The following CEP85L variants were observed in gnomAD, a reference collection of about 807,000 sequenced individuals.
CEP85L encodes centrosomal protein of 85 kDa-like.
CEP85L carries 60 observed loss-of-function variants against 100.3 expected under a neutral mutation model. The ratio of observed to expected loss-of-function variants is 0.60; its 90% CI spans 0.49 to 0.74. CEP85L has a LOEUF of 0.74. Ranked by LOEUF, CEP85L falls within the 30% of genes least tolerant of loss-of-function variation. CEP85L has a pLI of 0.00. For synonymous variants in CEP85L, 319 were observed against 322.7 expected, an observed-to-expected ratio of 0.99 and a Z score of 0.12; for missense variants, 973 against 936.2, an observed-to-expected ratio of 1.04 and a Z score of -0.51.
chr6:118,538,264 C>A (rs920032510), intron 3 of CEP85L, among the ~76,000 whole-genome samples: 1 of 152,004 alleles, frequency 6.6e-6, no homozygotes, highest in South Asian at 2.1e-4. Context: ...CTAATTATTT[C>A]TTCAATGTGT....
In CEP85L at chr6:118,567,259, A is replaced by G. The variant is rs1412085965; in HGVS notation, c.233-943T>C. ...TGTGTGTGTGTGTGTGTATATATAT[A>G]TATATATATATATATATATATATAT... On this transcript the variant is annotated intron_variant, in intron 2 of 12. Coordinates refer to ENST00000368491, the MANE Select transcript of CEP85L (RefSeq NM_001042475.3). 1.3e-4 allele frequency among the ~76,000 whole-genome samples: 8 copies of G among 60,652 alleles called. No individual in the cohort carries two copies. In the South Asian group the frequency reaches 2.8e-3, roughly 22 times the overall value. The allele number at this position is 60,652 out of a possible 152,430, so 39.8% of individuals were successfully genotyped here.
intron 3 of CEP85L, among the ~76,000 whole-genome samples, chr6:118,538,598 CAACA>C (rs1216905935): frequency 6.6e-6 from 1 of 151,640 alleles, no homozygotes; most frequent in Non-Finnish European, 1.5e-5. Flanking sequence ...TAAAAAATTC[CAACA>C]AAGAAATGAG....
At chr6:118,667,304 G>A (rs1381611033) in intron 1 of CEP85L, among the ~76,000 whole-genome samples, 1 of 152,130 alleles carries the variant, frequency 6.6e-6, no homozygotes, top group Admixed American at 6.5e-5. Flanking sequence ...TATAGAACTT[G>A]CTTTGATTTT....
chr6:118,639,885 T>C (rs1048714237), intron 1 of CEP85L, among the ~76,000 whole-genome samples: 1 of 152,220 alleles, frequency 6.6e-6, no homozygotes, highest in Non-Finnish European at 1.5e-5. Flanking sequence ...CAAACAAGCG[T>C]TTTGTTTGGT....
chr6:118,593,678 C>T (rs1481703576), intron 2 of CEP85L, among the ~76,000 whole-genome samples: 1 of 117,198 alleles, frequency 8.5e-6, no homozygotes, highest in African/African-American at 3.0e-5. Context: ...CGCAATAATG[C>T]TGTTTAAAAA....
At chr6:118,649,228 GA>G (rs1352163522) in intron 1 of CEP85L, among the ~76,000 whole-genome samples, 2 of 151,750 alleles carry the variant, frequency 1.3e-5, no homozygotes, top group African/African-American at 4.8e-5. Flanking sequence ...GCATGTAACT[GA>G]AAAAAAACTT....
chr6:118,703,494 C>T (rs62424002), intron 1 of CEP85L, among the ~76,000 whole-genome samples: 29,575 of 152,170 alleles, frequency 0.19, 3,770 homozygotes, highest in Non-Finnish European at 0.28. Flanking sequence ...CATAGGCCAC[C>T]GTGCCCCACC....
At position 118,567,209 on chromosome 6, in the gene CEP85L, ATGTG is replaced by A. The variant is rs68047463; in HGVS notation, c.233-897_233-894del. Among the ~76,000 whole-genome samples, 651 of 89,388 alleles carry A rather than the reference ATGTG, an allele frequency of 7.3e-3. 4 individuals are homozygous for A. Among genetic ancestry groups the A allele is most frequent in the African/African-American group, 8.8e-3 (203 of 23,028 alleles). The allele number at this position is 89,388 out of a possible 152,430, so 58.6% of individuals were successfully genotyped here. On this transcript the variant is annotated intron_variant, in intron 2 of 12. Coordinates refer to ENST00000368491, the MANE Select transcript of CEP85L (RefSeq NM_001042475.3). Reference sequence around the variant, plus strand: ...TACATATATGTATGAATATATATGTATGTGTGTGTGTGTGTGTGTGTGTGTGTGT... The same window carrying A: ...TACATATATGTATGAATATATATGTATGTGTGTGTGTGTGTGTGTGTGTGT...
chr6:118,657,215 T>C (rs1406866442), upstream of CEP85L: 1 of 152,346 alleles, frequency 6.6e-6, no homozygotes, highest in Non-Finnish European at 1.5e-5. Context: ...GAGGACAGTA[T>C]ACTGAGGATG....
chr6:118,520,752 C>CA (rs1393181869), intron 4 of CEP85L, among the ~76,000 whole-genome samples: 10 of 152,144 alleles, frequency 6.6e-5, no homozygotes, highest in Non-Finnish European at 4.4e-5. Flanking sequence ...GCTAAACTTT[C>CA]AAAAAACTTC....
At chr6:118,669,713 C>G (rs1278506954) in intron 1 of CEP85L, among the ~76,000 whole-genome samples, 3 of 151,996 alleles carry the variant, frequency 2.0e-5, no homozygotes, top group Non-Finnish European at 1.5e-5. Flanking sequence ...TGAATCTAGG[C>G]TATTACCTCT....
intron 3 of CEP85L, among the ~76,000 whole-genome samples, chr6:118,551,542 T>C (rs1275888984): frequency 6.6e-6 from 1 of 151,938 alleles, no homozygotes; most frequent in Non-Finnish European, 1.5e-5. Flanking sequence ...TAAAAAACAA[T>C]AATGAAGGCA....
chr6:118,628,227 C>T (rs1773927605), intron 2 of CEP85L, among the ~76,000 whole-genome samples: 1 of 151,774 alleles, frequency 6.6e-6, no homozygotes, highest in African/African-American at 2.4e-5. Context: ...TAGACTCAAA[C>T]ACGGCAGGGA....
At chr6:118,500,619 G>A (rs886698645) in intron 5 of CEP85L, among the ~76,000 whole-genome samples, 6 of 152,088 alleles carry the variant, frequency 3.9e-5, no homozygotes, top group Admixed American at 6.6e-5. Flanking sequence ...AGGTGCCCCC[G>A]ACCCCTTCTT....
At chr6:118,638,122 T>A (rs1442866571) in intron 1 of CEP85L, among the ~76,000 whole-genome samples, 1 of 151,732 alleles carries the variant, frequency 6.6e-6, no homozygotes, top group Non-Finnish European at 1.5e-5. Context: ...CACATGCCTG[T>A]AATACCAGCT....
At chr6:118,589,105 G>T in intron 2 of CEP85L, 1 of 310,262 alleles carries the variant, frequency 3.2e-6, no homozygotes, top group Non-Finnish European at 6.7e-6. Context: ...AGAGACCCAG[G>T]GATGATGCTC....
chr6:118,606,846 T>C (rs1772257597), intron 2 of CEP85L, among the ~76,000 whole-genome samples: 1 of 152,222 alleles, frequency 6.6e-6, no homozygotes, highest in Non-Finnish European at 1.5e-5. Flanking sequence ...GAATTCTTTT[T>C]TGCATTAATC....
chr6:118,560,166 T>C (rs1290064715), intron 3 of CEP85L: 3 of 167,086 alleles, frequency 1.8e-5, no homozygotes, highest in Non-Finnish European at 2.9e-5. Context: ...GCCCATCTAT[T>C]ACATCTACAG....
chr6:118,475,467 C>T (rs1773295953), intron 10 of CEP85L, among the ~76,000 whole-genome samples: 1 of 151,316 alleles, frequency 6.6e-6, no homozygotes, highest in South Asian at 2.1e-4. Flanking sequence ...CATTCTCCTG[C>T]CTCAGCCTCC....
Sources: gnomAD v4.1 joint callset for allele counts (sites outside exome capture counted in the v4.1 genomes callset) on GRCh38, gnomAD v4.1.1 for gene constraint, MANE v1.5 for transcripts, NCBI Gene and HGNC (gene_info 2026-07-23, HGNC 2026-07-21) for gene names.